The following DCT variants were observed in gnomAD, a reference collection of about 807,000 sequenced individuals.
DCT encodes the protein dopachrome tautomerase, also known as L-dopachrome tautomerase.
A neutral mutation model predicts 53.0 loss-of-function variants in DCT; 47 were observed. The ratio of observed to expected loss-of-function variants is 0.89; its 90% CI spans 0.70 to 1.13. DCT has a LOEUF of 1.13. DCT is among the 50% of genes most tolerant of loss of function. The pLI is 0.00. For synonymous variants in DCT, 244 were observed against 237.0 expected (o/e 1.03, Z -0.27); for missense variants, 669 against 637.4 (o/e 1.05, Z -0.53).
chr13:94,463,017 T>C (rs992371269), intron 4 of DCT, among the ~76,000 whole-genome samples: 1 of 152,238 alleles, frequency 6.6e-6, no homozygotes, highest in Non-Finnish European at 1.5e-5. Context: ...AGAGTATCAA[T>C]AGTTAAGTGC....
chr13:94,538,174 T>G, the DCT span, among the ~76,000 whole-genome samples: 1 of 152,168 alleles, frequency 6.6e-6, no homozygotes, highest in African/African-American at 2.4e-5. Context: ...GGAAAGTGAC[T>G]CCTGAAAGAA....
At chr13:94,468,459 A>G (rs547102947) in intron 2 of DCT, 16 of 301,500 alleles carry the variant, frequency 5.3e-5, no homozygotes, top group Admixed American at 1.4e-4. Context: ...CCACCTCACC[A>G]ACTCACATCT....
At chr13:94,510,311 T>C in the DCT span, among the ~76,000 whole-genome samples, 1 of 152,296 alleles carries the variant, frequency 6.6e-6, no homozygotes, top group East Asian at 1.9e-4. Flanking sequence ...ACCACCCTCC[T>C]ACCACCAAGT....
the DCT span, among the ~76,000 whole-genome samples, chr13:94,546,782 C>T: frequency 2.0e-5 from 3 of 152,088 alleles, no homozygotes; most frequent in African/African-American, 4.8e-5. The surrounding 1 kb of genome is among the most constrained non-coding windows in gnomAD (Gnocchi z 4.2). Flanking sequence ...AGGAGTTGGG[C>T]GAGTAAGCTG....
upstream of DCT, among the ~76,000 whole-genome samples, chr13:94,482,721 T>C (rs1230290181): frequency 6.6e-6 from 1 of 152,244 alleles, no homozygotes; most frequent in South Asian, 2.1e-4. Context: ...AGGGCCTCAT[T>C]ATTATAGTGA....
At chr13:94,480,046 A>AG (rs773966340), upstream of DCT, among the ~76,000 whole-genome samples, 40 of 152,304 alleles carry the variant, frequency 2.6e-4, no homozygotes, top group Admixed American at 9.8e-4. Flanking sequence ...AGACCACAAC[A>AG]GGGGGTCATG....
At chr13:94,514,059 T>C in the DCT span, among the ~76,000 whole-genome samples, 1 of 149,170 alleles carries the variant, frequency 6.7e-6, no homozygotes, top group East Asian at 2.0e-4. Context: ...AGGTCAGGGA[T>C]TGGCGACGGG....
chr13:94,448,606 G>A (rs1882878469), intron 6 of DCT, among the ~76,000 whole-genome samples: 1 of 152,126 alleles, frequency 6.6e-6, no homozygotes, highest in African/African-American at 2.4e-5. Flanking sequence ...AAAGTTAAAT[G>A]AAAGTGTATC....
At chr13:94,523,852 C>T in the DCT span, among the ~76,000 whole-genome samples, 1 of 152,026 alleles carries the variant, frequency 6.6e-6, no homozygotes, top group Non-Finnish European at 1.5e-5. Context: ...AAAGAAATTA[C>T]CTAAAATTCT....
At chr13:94,457,143 A>G (rs1883461205) in intron 6 of DCT, among the ~76,000 whole-genome samples, 1 of 152,256 alleles carries the variant, frequency 6.6e-6, no homozygotes, top group Admixed American at 6.5e-5. Flanking sequence ...AAGAAAAAAG[A>G]AAAGAAAAAC....
In DCT at chr13:94,466,651, T is replaced by G. The variant is rs187956839; in HGVS notation, c.603A>C (p.Gly201=). 6.3e-7 allele frequency: 1 copy of G among 1,593,414 alleles called. No homozygotes were observed. The highest frequency in any genetic ancestry group is 1.4e-5 in the African/African-American group (1 of 73,812). The change falls in exon 3 of 8, where the codon GGA becomes GGC. Residue 201 remains glycine (G), a synonymous_variant. Transcript: ENST00000377028. ...YSVRDTLLGP[G]RPYRAIDFSH... is the part of the protein sequence containing the mutation. ...AGAAATCTATGGCCCTGTAGGGGCG[T>G]CCTGGTCCTGAAACAATTGGGAAAC...
the DCT span, among the ~76,000 whole-genome samples, chr13:94,542,869 A>C: frequency 1.3e-5 from 2 of 152,312 alleles, no homozygotes; most frequent in South Asian, 4.2e-4. Flanking sequence ...CCATGTTCAC[A>C]CACGAGAGTA....
chr13:94,547,876 GCAA>G, the DCT span, among the ~76,000 whole-genome samples: 2 of 144,926 alleles, frequency 1.4e-5, no homozygotes, highest in Non-Finnish European at 3.0e-5. Context: ...TGTAATCCCA[GCAA>G]CTCGAGAGGC....
At chr13:94,546,129 T>TGTGTATCTCCTACAAAGGCA in the DCT span, among the ~76,000 whole-genome samples, 2 of 152,156 alleles carry the variant, frequency 1.3e-5, no homozygotes, top group Non-Finnish European at 2.9e-5. The surrounding 1 kb of genome is among the most constrained non-coding windows in gnomAD (Gnocchi z 4.2). Context: ...TTGAGATGGC[T>TGTGTATCTCCTACAAAGGCA]GTGTATCTCC....
the DCT span, among the ~76,000 whole-genome samples, chr13:94,499,754 C>T: frequency 6.6e-6 from 1 of 152,028 alleles, no homozygotes; most frequent in African/African-American, 2.4e-5. Context: ...ATTAAACTGA[C>T]CTCCCCTCAT....
intron 6 of DCT, among the ~76,000 whole-genome samples, chr13:94,447,826 A>G (rs562182675): frequency 1.3e-5 from 2 of 152,350 alleles, no homozygotes; most frequent in African/African-American, 4.8e-5. Flanking sequence ...CAAGGGAAAA[A>G]TGTAAATAAT....
At chr13:94,502,376 T>C in the DCT span, among the ~76,000 whole-genome samples, 1 of 152,192 alleles carries the variant, frequency 6.6e-6, no homozygotes. Context: ...GTTGATTCTG[T>C]GGTGGGGAAG....
At chr13:94,538,853 C>A in the DCT span, among the ~76,000 whole-genome samples, 2 of 152,180 alleles carry the variant, frequency 1.3e-5, no homozygotes. Context: ...TCTCCTCCCT[C>A]ACTCTTAGGA....
At position 94,479,330 on chromosome 13, in the gene DCT, CT is replaced by C; in HGVS notation, c.-76del. The stretch of plus-strand genomic sequence containing the variant: ...GTCGTACTTTTCTCCTTATCTTCTA[CT>C]CTTTCAGTCTTTTCTTTTCAGTATT... On this transcript the variant is annotated 5_prime_UTR_variant, in exon 1 of 8. Coordinates refer to ENST00000377028, the MANE Select transcript of DCT (RefSeq NM_001922.5). 1 of 1,246,922 alleles carries C rather than the reference CT, an allele frequency of 8.0e-7. No individual in the cohort carries two copies. Among genetic ancestry groups the C allele is most frequent in the Non-Finnish European group, 1.1e-6 (1 of 911,564 alleles). The allele number at this position is 1,246,922 out of a possible 1,614,324, so 77.2% of individuals were successfully genotyped here.
Sources: allele counts gnomAD v4.1 joint callset (sites outside exome capture counted in the v4.1 genomes callset), GRCh38; gene constraint gnomAD v4.1.1; non-coding constraint Gnocchi (gnomAD v3.1); transcripts MANE v1.5; gene names NCBI Gene and HGNC (gene_info 2026-07-23, HGNC 2026-07-21).